ANKS1B: variants seen among roughly 807,000 people sequenced by gnomAD.
The protein encoded by ANKS1B is ankyrin repeat and sterile alpha motif domain-containing protein 1B.
A neutral mutation model predicts 148.3 loss-of-function variants in ANKS1B; 36 were observed. That is an observed-to-expected ratio of 0.24 (90% CI 0.19 to 0.32). The LOEUF (loss-of-function observed/expected upper bound fraction) is 0.32, where lower values mean the gene tolerates loss of function less well. ANKS1B is among the 10% of genes least tolerant of loss of function. The pLI is 1.00. For missense variants in ANKS1B, 1,157 were observed against 1,542.6 expected, an observed-to-expected ratio of 0.75 and a Z score of 4.19; for synonymous variants, 542 against 560.8, an observed-to-expected ratio of 0.97 and a Z score of 0.47.
chr12:98,882,114 T>C (rs546926072), intron 17 of ANKS1B, among the ~76,000 whole-genome samples: 5 of 152,258 alleles, frequency 3.3e-5, no homozygotes, highest in African/African-American at 1.2e-4. Context: ...CATTGCTGAT[T>C]ACATAACATT....
intron 22 of ANKS1B, chr12:98,794,902 G>C: frequency 6.5e-7 from 1 of 1,549,400 alleles, no homozygotes; most frequent in Non-Finnish European, 8.9e-7. Context: ...TGCAGGCAAA[G>C]GGAAGCAGTT....
At chr12:99,130,314 A>G (rs1010228010) in intron 15 of ANKS1B, among the ~76,000 whole-genome samples, 1 of 152,180 alleles carries the variant, frequency 6.6e-6, no homozygotes, top group African/African-American at 2.4e-5. Flanking sequence ...GTAAAATTTA[A>G]TTGATTTTTT....
chr12:99,163,495 G>GTGTC (rs895010465), intron 14 of ANKS1B, among the ~76,000 whole-genome samples: 1 of 148,664 alleles, frequency 6.7e-6, no homozygotes, highest in South Asian at 2.2e-4. Context: ...GTGTGTGTGT[G>GTGTC]TGTGTGTGTT....
At chr12:98,851,660 G>T (rs2099526851) in intron 17 of ANKS1B, among the ~76,000 whole-genome samples, 1 of 152,140 alleles carries the variant, frequency 6.6e-6, no homozygotes, top group Admixed American at 6.5e-5. Context: ...TGCTTGGAAA[G>T]ATGTCCAGCA....
At chr12:99,305,893 A>C (rs991430562) in intron 12 of ANKS1B, among the ~76,000 whole-genome samples, 1 of 152,180 alleles carries the variant, frequency 6.6e-6, no homozygotes, top group African/African-American at 2.4e-5. Context: ...GAACTCCTTT[A>C]ATGGAAACCT....
chr12:99,782,322 A>C (rs1373738800), intron 4 of ANKS1B, among the ~76,000 whole-genome samples: 1 of 152,136 alleles, frequency 6.6e-6, no homozygotes, highest in Non-Finnish European at 1.5e-5. Flanking sequence ...GGCCAGATGC[A>C]GCTGAGGCGG....
rs10507112 is a variant in ANKS1B at position 99,216,599 on chromosome 12, A to G, written c.2419+27743T>C. 5.0e-3 allele frequency among the ~76,000 whole-genome samples: 769 copies of G among 152,324 alleles called. 9 individuals are homozygous for G. Among genetic ancestry groups the G allele is most frequent in the African/African-American group, 0.018 (752 of 41,566 alleles). On this transcript the variant is annotated intron_variant, in intron 14 of 26. Coordinates refer to ENST00000683438, the MANE Select transcript of ANKS1B (RefSeq NM_001352186.2). ...GAGCTTTGCTGTCACTTAACTGAGTAGGAAAAAACCAACAGTACAGGAAGT... is the reference window on the plus strand; with the variant it reads ...GAGCTTTGCTGTCACTTAACTGAGTGGGAAAAAACCAACAGTACAGGAAGT...
intron 17 of ANKS1B, among the ~76,000 whole-genome samples, chr12:98,883,443 T>A (rs573290411): frequency 1.3e-5 from 2 of 152,320 alleles, no homozygotes; most frequent in South Asian, 4.1e-4. Context: ...AAACCACTCA[T>A]CATTGCAACA....
intron 17 of ANKS1B, among the ~76,000 whole-genome samples, chr12:98,889,458 C>T (rs1162845852): frequency 6.6e-6 from 1 of 152,144 alleles, no homozygotes; most frequent in Non-Finnish European, 1.5e-5. Context: ...AGCGATTCTC[C>T]TGCCTCAGCC....
chr12:99,000,967 CTG>C (rs377515057), intron 17 of ANKS1B, among the ~76,000 whole-genome samples: 19 of 149,854 alleles, frequency 1.3e-4, no homozygotes, highest in African/African-American at 2.4e-4. Context: ...TAATATTCCG[CTG>C]TGTGTGTGTG....
rs1214387678 is a variant in ANKS1B, at chr12:99,727,299, T to A, written c.1128+45623A>T. Among the ~76,000 whole-genome samples the A allele has an allele frequency of 2.0e-5, 3 of 152,138 alleles. No individual in the cohort carries two copies. In the East Asian group the frequency reaches 5.8e-4, roughly 29 times the overall value. ...AAGCAACTTTGGCAAAGTCTCAAGATACAAAATCAATGTGCAAAAATCACA... is the reference window on the plus strand; with the variant it reads ...AAGCAACTTTGGCAAAGTCTCAAGAAACAAAATCAATGTGCAAAAATCACA... On this transcript the variant is annotated intron_variant, in intron 8 of 26. Coordinates refer to ENST00000683438, the MANE Select transcript of ANKS1B (RefSeq NM_001352186.2).
intron 8 of ANKS1B, among the ~76,000 whole-genome samples, chr12:99,758,756 T>C (rs909838118): frequency 2.6e-5 from 4 of 151,908 alleles, no homozygotes; most frequent in African/African-American, 9.7e-5. Flanking sequence ...AAATATGTTA[T>C]TGAAGAAATT....
chr12:99,179,550 T>C (rs1156626955), intron 14 of ANKS1B, among the ~76,000 whole-genome samples: 1 of 152,228 alleles, frequency 6.6e-6, no homozygotes, highest in Non-Finnish European at 1.5e-5. Flanking sequence ...TTCTCTTTCC[T>C]GCCATCCTTC....
intron 12 of ANKS1B, among the ~76,000 whole-genome samples, chr12:99,294,317 T>A (rs2080509067): frequency 1.3e-5 from 2 of 152,228 alleles, no homozygotes; most frequent in African/African-American, 4.8e-5. Context: ...ATGTGGTATA[T>A]ACACATAATG....
intron 17 of ANKS1B, among the ~76,000 whole-genome samples, chr12:99,031,180 A>T (rs2153461735): frequency 6.6e-6 from 1 of 152,364 alleles, no homozygotes; most frequent in South Asian, 2.1e-4. Flanking sequence ...TTATAAGGAA[A>T]GTTTGGAAAT....
chr12:99,228,820 A>C (rs570135734), intron 14 of ANKS1B, among the ~76,000 whole-genome samples: 1 of 152,102 alleles, frequency 6.6e-6, no homozygotes, highest in Admixed American at 6.5e-5. Context: ...AAAAAGATGT[A>C]ATCATATATT....
intron 15 of ANKS1B, among the ~76,000 whole-genome samples, chr12:99,089,014 A>G (rs1289636285): frequency 2.0e-5 from 3 of 151,590 alleles, no homozygotes; most frequent in Non-Finnish European, 4.4e-5. Context: ...CCTGGCTAAC[A>G]GGGTTTCATC....
In ANKS1B at chr12:99,242,194, A is replaced by C. The variant is rs1037102873; in HGVS notation, c.2419+2148T>G. On this transcript the variant is annotated intron_variant, in intron 14 of 26. Transcript: ENST00000683438. The stretch of plus-strand genomic sequence containing the variant: ...TAAGCTGATAAGCAACTTCAGCAAA[A>C]TCTCAGGATACAAAATCAATCTGCA... Among the ~76,000 whole-genome samples, 3 of 152,172 alleles carry C rather than the reference A, an allele frequency of 2.0e-5. 1 individual carries two copies. In the South Asian group the frequency reaches 6.2e-4, roughly 32 times the overall value.
rs1354116874 is a variant in ANKS1B at position 98,745,867 on chromosome 12, T to C, written c.3748-18A>G. The C allele has an allele frequency of 6.2e-7, 1 of 1,608,908 alleles. No homozygotes were observed. On this transcript the variant is annotated intron_variant, in intron 26 of 26. Coordinates refer to ENST00000683438, the MANE Select transcript of ANKS1B (RefSeq NM_001352186.2). ...TCGATCTGCTTTAAAACAGAAAGGCTGATGCCTGTTATACGGTCGCCGCGC... is the reference window on the plus strand; with the variant it reads ...TCGATCTGCTTTAAAACAGAAAGGCCGATGCCTGTTATACGGTCGCCGCGC...
Sources: gnomAD v4.1 joint callset for allele counts (sites outside exome capture counted in the v4.1 genomes callset) on GRCh38, gnomAD v4.1.1 for gene constraint, MANE v1.5 for transcripts, NCBI Gene and HGNC (gene_info 2026-07-23, HGNC 2026-07-21) for gene names.